DOCK5: variants seen among roughly 807,000 people sequenced by gnomAD.
The protein encoded by DOCK5 is dedicator of cytokinesis protein 5.
A neutral mutation model predicts 251.8 loss-of-function variants in DOCK5; 142 were observed. The ratio of observed to expected loss-of-function variants is 0.56; its 90% confidence interval spans 0.49 to 0.65. The LOEUF is 0.65. Ranked by LOEUF, DOCK5 falls within the 30% of genes least tolerant of loss-of-function variation. DOCK5 has a pLI of 0.00. For missense variants in DOCK5, 2,111 were observed against 2,312.3 expected (o/e 0.91, Z 1.79); for synonymous variants, 842 against 835.5 (o/e 1.01, Z -0.13).
intron 2 of DOCK5, among the ~76,000 whole-genome samples, chr8:25,258,041 G>T (rs1382639011): frequency 6.6e-6 from 1 of 152,048 alleles, no homozygotes; most frequent in Non-Finnish European, 1.5e-5. Context: ...AATATAAAGC[G>T]AATTGGCCAA....
chr8:25,334,272 G>T, intron 21 of DOCK5, 76 bp downstream of exon 21: 2 of 1,185,346 alleles, frequency 1.7e-6, no homozygotes, highest in South Asian at 2.4e-5. Flanking sequence ...GTTGAGAAAC[G>T]AGACGGACCT....
intron 1 of DOCK5, among the ~76,000 whole-genome samples, chr8:25,199,545 G>C (rs985842970): frequency 2.0e-5 from 3 of 151,976 alleles, no homozygotes; most frequent in Non-Finnish European, 4.4e-5. Flanking sequence ...CACCACACCC[G>C]GCTAATTTTT....
chr8:25,351,753 A>G lies in DOCK5; in HGVS notation c.2777A>G (p.Gln926Arg), dbSNP rs1472226331. The change falls in exon 27 of 52, where the codon CAG becomes CGG. Residue 926 changes from glutamine (Q) to arginine (R), a missense_variant. Physicochemically the swap from Gln to Arg is conservative, Grantham distance 43 (BLOSUM62 1). This residue lies in a region of DOCK5 where 1,717 missense variants were observed against 1,892.4 expected (regional missense o/e 0.91). Coordinates refer to ENST00000276440, the MANE Select transcript of DOCK5 (RefSeq NM_024940.8). Reference protein sequence around the residue: ...KDVGATAVHIQLIMERLLRRI... With the variant: ...KDVGATAVHIRLIMERLLRRI... Reference sequence around the variant, plus strand: ...CAGGGTGCCACTGCGGTGCACATTCAGCTTATAATGGAACGGCTGCTGAGA... The same window carrying G: ...CAGGGTGCCACTGCGGTGCACATTCGGCTTATAATGGAACGGCTGCTGAGA... 2 of 1,613,834 alleles carry G rather than the reference A, an allele frequency of 1.2e-6. No homozygotes were observed. Among genetic ancestry groups the G allele is most frequent in the Non-Finnish European group, 1.7e-6 (2 of 1,179,806 alleles).
chr8:25,200,608 A>C (rs542700385), intron 1 of DOCK5, among the ~76,000 whole-genome samples: 1 of 152,340 alleles, frequency 6.6e-6, no homozygotes, highest in African/African-American at 2.4e-5. Context: ...GCTGTATGAA[A>C]GATAAAACAG....
intron 51 of DOCK5, among the ~76,000 whole-genome samples, chr8:25,410,570 T>TGAGG: frequency 6.6e-6 from 1 of 152,014 alleles, no homozygotes; most frequent in Non-Finnish European, 1.5e-5. Flanking sequence ...CAAGTGATTC[T>TGAGG]CCTACCTTGG....
chr8:25,386,616 TAGAA>T (rs771681971), intron 40 of DOCK5, among the ~76,000 whole-genome samples: 8 of 151,970 alleles, frequency 5.3e-5, no homozygotes, highest in East Asian at 3.9e-4. Context: ...AAATAAAAAA[TAGAA>T]AGAGTGTAGG....
intron 37 of DOCK5, chr8:25,374,900 C>T: frequency 7.6e-7 from 1 of 1,318,778 alleles, no homozygotes; most frequent in South Asian, 1.6e-5. Flanking sequence ...TGGTAATTGA[C>T]ACTCTAATTA....
rs73547192 is a variant in DOCK5 at position 25,412,343 on chromosome 8, T to A, written c.*1045T>A. The A allele has an allele frequency of 1.3e-5, 2 of 152,262 alleles. No homozygotes were observed. The highest frequency in any genetic ancestry group is 4.8e-5 in the African/African-American group (2 of 41,558). The allele number at this position is 152,262 out of a possible 1,614,324, so 9.4% of individuals were successfully genotyped here. A position where few individuals can be genotyped will look rare whatever the true frequency, so the allele number is the denominator to read the frequency against. On this transcript the variant is annotated 3_prime_UTR_variant, in exon 52 of 52. Transcript: ENST00000276440. ...CCTTTCAGAAGAAAAAATGGAGCGA[T>A]TTAGGTGACCAAATATTACATACAT...
intron 2 of DOCK5, among the ~76,000 whole-genome samples, chr8:25,247,281 G>A (rs886893844): frequency 6.6e-6 from 1 of 152,084 alleles, no homozygotes; most frequent in African/African-American, 2.4e-5. Context: ...GAAACACTTT[G>A]TCCTGTTAGG....
chr8:25,257,477 C>T (rs1333425069), intron 2 of DOCK5, among the ~76,000 whole-genome samples: 5 of 152,122 alleles, frequency 3.3e-5, no homozygotes, highest in Non-Finnish European at 7.4e-5. Context: ...TAGCAAATGA[C>T]GTTTATACTT....
intron 1 of DOCK5, among the ~76,000 whole-genome samples, chr8:25,220,499 C>T (rs1174465861): frequency 6.6e-6 from 1 of 152,164 alleles, no homozygotes; most frequent in African/African-American, 2.4e-5. Context: ...TGCTAGGGCT[C>T]TTTGTCTGCA....
chr8:25,376,027 G>A, intron 37 of DOCK5: 1 of 914,624 alleles, frequency 1.1e-6, no homozygotes, highest in Non-Finnish European at 1.3e-6. Flanking sequence ...GAACCTGCAA[G>A]GCGGAGGTTT....
At chr8:25,234,820 A>G (rs1238541105) in intron 1 of DOCK5, among the ~76,000 whole-genome samples, 2 of 152,232 alleles carry the variant, frequency 1.3e-5, no homozygotes, top group Non-Finnish European at 2.9e-5. Context: ...GCTTTGCTCT[A>G]ATCAAAGACA....
intron 5 of DOCK5, among the ~76,000 whole-genome samples, chr8:25,289,857 A>C (rs1285496781): frequency 6.6e-6 from 1 of 152,082 alleles, no homozygotes; most frequent in African/African-American, 2.4e-5. Flanking sequence ...AAAAAGAAAG[A>C]AGGAAATAGA....
At chr8:25,332,190 T>C (rs945313061) in intron 18 of DOCK5, 61 bp from the exon 19 acceptor site, 3 of 1,271,104 alleles carry the variant, frequency 2.4e-6, no homozygotes, top group Admixed American at 1.8e-5. Context: ...TCTTTAGCTA[T>C]GTCCTGAAAT....
chr8:25,277,400 G>C (rs1301034305), intron 4 of DOCK5: 2 of 152,362 alleles, frequency 1.3e-5, no homozygotes, highest in Non-Finnish European at 2.9e-5. Context: ...TGAAACTGTT[G>C]CTGGGTCAAG....
At chr8:25,261,735 C>A (rs1803587391) in intron 2 of DOCK5, among the ~76,000 whole-genome samples, 1 of 152,144 alleles carries the variant, frequency 6.6e-6, no homozygotes, top group Non-Finnish European at 1.5e-5. Context: ...TCCCTTACCC[C>A]AGAAAATTCC....
chr8:25,304,144 A>G, intron 10 of DOCK5, 111 bp from the exon 11 acceptor site: 2 of 895,476 alleles, frequency 2.2e-6, no homozygotes, highest in Non-Finnish European at 3.3e-6. Context: ...GTCCCTGCTT[A>G]GTACCTTTCT....
intron 1 of DOCK5, among the ~76,000 whole-genome samples, chr8:25,205,144 C>T (rs766677183): frequency 6.6e-6 from 1 of 152,104 alleles, no homozygotes; most frequent in Non-Finnish European, 1.5e-5. Context: ...GCAATCCTCC[C>T]ACCTCAGCCT....
Sources: allele counts gnomAD v4.1 joint callset (sites outside exome capture counted in the v4.1 genomes callset), GRCh38; gene constraint gnomAD v4.1.1; regional missense constraint gnomAD v4.1.1; transcripts MANE v1.5; gene names NCBI Gene and HGNC (gene_info 2026-07-23, HGNC 2026-07-21).